The following BNC2 variants were observed in gnomAD, a reference collection of about 807,000 sequenced individuals.
The protein encoded by BNC2 is zinc finger protein basonuclin-2.
BNC2 carries 20 observed loss-of-function variants against 76.3 expected under a neutral mutation model. The ratio of observed to expected loss-of-function variants is 0.26; its 90% CI spans 0.18 to 0.38. The LOEUF (loss-of-function observed/expected upper bound fraction) is 0.38. Ranked by LOEUF, BNC2 falls within the 10% of genes least tolerant of loss-of-function variation. The pLI is 1.00. For synonymous variants in BNC2, 582 were observed against 514.8 expected (o/e 1.13, Z -1.77); for missense variants, 1,382 against 1,399.8 (o/e 0.99, Z 0.20).
At chr9:16,629,386 G>A (rs1257665151) in intron 3 of BNC2, among the ~76,000 whole-genome samples, 1 of 152,196 alleles carries the variant, frequency 6.6e-6, no homozygotes, top group Admixed American at 6.5e-5. Flanking sequence ...ACATTAATTA[G>A]AGAAGATCTT....
intron 1 of BNC2, among the ~76,000 whole-genome samples, chr9:16,750,434 T>C (rs186683139): frequency 2.6e-5 from 4 of 152,204 alleles, no homozygotes; most frequent in African/African-American, 9.6e-5. Flanking sequence ...ACTAATGTCA[T>C]ATCATTCCCC....
At chr9:16,695,601 C>T (rs557375941) in intron 3 of BNC2, among the ~76,000 whole-genome samples, 448 of 149,936 alleles carry the variant, frequency 3.0e-3, no homozygotes, top group African/African-American at 9.4e-3. Context: ...TCTTGAACTC[C>T]TGGCCTCAAG....
intron 4 of BNC2, among the ~76,000 whole-genome samples, chr9:16,576,626 G>A (rs1275560830): frequency 1.3e-5 from 2 of 152,190 alleles, no homozygotes; most frequent in Non-Finnish European, 2.9e-5. Context: ...GTTTTGATCT[G>A]CCTTGCTTGT....
At chr9:16,573,049 G>A (rs7859971) in intron 4 of BNC2, among the ~76,000 whole-genome samples, 17,231 of 151,728 alleles carry the variant, frequency 0.11, 1,524 homozygotes, top group African/African-American at 0.24. Context: ...GCAACAAGAC[G>A]AAACCCTATC....
chr9:16,793,801 G>C (rs944790443), intron 1 of BNC2, among the ~76,000 whole-genome samples: 3 of 150,592 alleles, frequency 2.0e-5, no homozygotes, highest in Non-Finnish European at 4.4e-5. Context: ...GAGTAGCTGG[G>C]ACTGGGACTG....
In BNC2 at chr9:16,459,239, A is replaced by G. The variant is rs534601037; in HGVS notation, c.670-21715T>C. On this transcript the variant is annotated intron_variant, in intron 5 of 6. Coordinates refer to ENST00000380672, the MANE Select transcript of BNC2 (RefSeq NM_017637.6). ...ACGTGCAATCACGTTCTCCTATAGCATGACCTTCCTGCACCTCTACAAAAG... is the reference window on the plus strand; with the variant it reads ...ACGTGCAATCACGTTCTCCTATAGCGTGACCTTCCTGCACCTCTACAAAAG... 1.5e-3 allele frequency among the ~76,000 whole-genome samples: 233 copies of G among 152,302 alleles called. 1 individual carries two copies. The highest frequency in any genetic ancestry group is 5.2e-3 in the African/African-American group (214 of 41,546).
chr9:16,628,249 A>G (rs76753553), intron 3 of BNC2, among the ~76,000 whole-genome samples: 10,073 of 152,230 alleles, frequency 0.066, 404 homozygotes, highest in Middle Eastern at 0.13. Flanking sequence ...CACAAGCAAT[A>G]TAAGTGTGTC....
Position 16,419,313 on chromosome 9 carries a change from GTCA to G in BNC2, c.2973_2975del (p.Asp992del). 6.2e-7 allele frequency: 1 copy of G among 1,613,722 alleles called. No individual in the cohort carries two copies. The highest frequency in any genetic ancestry group is 8.5e-7 in the Non-Finnish European group (1 of 1,179,708). ...CCCCACTGTCACTCGCCCCGTCAAT[GTCA>G]TCGAGAAGAATCCCCTCATCGCTGC... On this transcript the variant is annotated inframe_deletion, in exon 7 of 7. Transcript: ENST00000380672.
rs140432247 is a variant in BNC2 at position 16,736,590 on chromosome 9, C to T, written c.129+1770G>A. 3.0e-3 allele frequency among the ~76,000 whole-genome samples: 461 copies of T among 151,518 alleles called. 3 individuals are homozygous for T. Among genetic ancestry groups the T allele is most frequent in the African/African-American group, 0.011 (446 of 41,362 alleles). On this transcript the variant is annotated intron_variant, in intron 2 of 6. Coordinates refer to ENST00000380672, the MANE Select transcript of BNC2 (RefSeq NM_017637.6). ...TCCCAGGTTCAAGCGATTCTTCTACCTCAGCCTCCTCAGTAGCTGAGATTA... is the reference window on the plus strand; with the variant it reads ...TCCCAGGTTCAAGCGATTCTTCTACTTCAGCCTCCTCAGTAGCTGAGATTA...
intron 1 of BNC2, among the ~76,000 whole-genome samples, chr9:16,751,475 T>A (rs1049696692): frequency 1.3e-5 from 2 of 151,782 alleles, no homozygotes; most frequent in Non-Finnish European, 2.9e-5. Context: ...TCTCCCTATC[T>A]CTCGACTTCC....
In BNC2 at chr9:16,671,821, T is replaced by C. The variant is rs548661983; in HGVS notation, c.330+55976A>G. Among the ~76,000 whole-genome samples, 8 of 152,322 alleles carry C rather than the reference T, an allele frequency of 5.3e-5. No individual in the cohort carries two copies. In the South Asian group the frequency reaches 1.7e-3, roughly 32 times the overall value. ...TTGACAAGTACTGTTCTGAAAGGCT[T>C]ACAGAAAACAGACCCAAACTCCACC... On this transcript the variant is annotated intron_variant, in intron 3 of 6. Transcript: ENST00000380672.
intron 5 of BNC2, among the ~76,000 whole-genome samples, chr9:16,513,408 A>G (rs375004533): frequency 1.5e-4 from 22 of 143,692 alleles, no homozygotes; most frequent in African/African-American, 5.2e-4. Flanking sequence ...CTGGGTTCAC[A>G]CCATTCTCCT....
At chr9:16,535,652 C>T (rs1818109202) in intron 5 of BNC2, among the ~76,000 whole-genome samples, 2 of 152,072 alleles carry the variant, frequency 1.3e-5, no homozygotes, top group Admixed American at 6.6e-5. Flanking sequence ...GATACCACTA[C>T]CAAATGAAGC....
intron 5 of BNC2, among the ~76,000 whole-genome samples, chr9:16,531,280 C>G (rs1329786819): frequency 1.3e-5 from 2 of 152,186 alleles, no homozygotes; most frequent in South Asian, 4.2e-4. Context: ...AGTGGTTAGG[C>G]TTTTCCCTCC....
At chr9:16,439,718 T>A (rs1821087635) in intron 5 of BNC2, among the ~76,000 whole-genome samples, 1 of 152,226 alleles carries the variant, frequency 6.6e-6, no homozygotes, top group South Asian at 2.1e-4. Context: ...TTACTTGAAT[T>A]ACTTTTTTAA....
At chr9:16,776,736 G>T (rs1017917996) in intron 1 of BNC2, among the ~76,000 whole-genome samples, 3 of 152,096 alleles carry the variant, frequency 2.0e-5, no homozygotes, top group African/African-American at 7.2e-5. Flanking sequence ...CAAATTTGAG[G>T]TGATATGATG....
intron 3 of BNC2, among the ~76,000 whole-genome samples, chr9:16,691,701 G>T (rs541685195): frequency 2.8e-4 from 43 of 151,888 alleles, no homozygotes; most frequent in African/African-American, 9.4e-4. Flanking sequence ...AATAGAGATG[G>T]GGTTTCACCA....
In BNC2 at chr9:16,435,659, G is replaced by A; in HGVS notation, c.2535C>T (p.Ser845=). Residue 845 remains serine, a synonymous_variant, in exon 6 of 7, where the codon TCC becomes TCT. Transcript: ENST00000380672. ...TCCTGTAGTGAAGTTTCACACTGTA[G>A]GAGCTTTTGAAACTCTTCTTGCACA... is the stretch of plus-strand genomic sequence containing the variant. ...CYVCKKSFKS[S]YSVKLHYRNV... 6.2e-7 allele frequency: 1 copy of A among 1,614,144 alleles called. No individual in the cohort carries two copies. The highest frequency in any genetic ancestry group is 8.5e-7 in the Non-Finnish European group (1 of 1,180,026).
chr9:16,735,298 A>C (rs992084325), intron 2 of BNC2, among the ~76,000 whole-genome samples: 1 of 152,104 alleles, frequency 6.6e-6, no homozygotes, highest in African/African-American at 2.4e-5. Flanking sequence ...TCTCAAGTCC[A>C]AACAGTAACA....
Sources: gnomAD v4.1 joint callset for allele counts (sites outside exome capture counted in the v4.1 genomes callset) on GRCh38, gnomAD v4.1.1 for gene constraint, MANE v1.5 for transcripts, NCBI Gene and HGNC (gene_info 2026-07-23, HGNC 2026-07-21) for gene names.